The following NRXN1 variants were observed in gnomAD, a reference collection of about 807,000 sequenced individuals.
The protein encoded by NRXN1 is neurexin 1, also known as neurexin-1.
In NRXN1, 39 loss-of-function variants were observed where a neutral mutation model predicts 150.9. That is an observed-to-expected ratio of 0.26 (90% confidence interval 0.20 to 0.34). The LOEUF is 0.34. NRXN1 is among the 10% of genes least tolerant of loss of function. The probability of loss-of-function intolerance (pLI) is 1.00; values close to 1 mark genes in which losing one functional copy is unlikely to be tolerated. For missense variants in NRXN1, 1,815 were observed against 1,949.9 expected, an observed-to-expected ratio of 0.93 and a Z score of 1.30; for synonymous variants, 924 against 757.0, an observed-to-expected ratio of 1.22 and a Z score of -3.62.
chr2:50,082,733 C>T (rs139420556), intron 19 of NRXN1, among the ~76,000 whole-genome samples: 2 of 152,148 alleles, frequency 1.3e-5, no homozygotes, highest in African/African-American at 2.4e-5. Flanking sequence ...CTTTATTGAG[C>T]TCTTGTTTTC....
intron 17 of NRXN1, among the ~76,000 whole-genome samples, chr2:50,309,069 A>T (rs1312989901): frequency 6.6e-6 from 1 of 152,196 alleles, no homozygotes; most frequent in East Asian, 1.9e-4. Context: ...ACTGAATGCA[A>T]AGACAAGTAT....
intron 17 of NRXN1, among the ~76,000 whole-genome samples, chr2:50,378,075 A>AAAG (rs1204763322): frequency 6.6e-6 from 1 of 152,202 alleles, no homozygotes; most frequent in African/African-American, 2.4e-5. Context: ...AAGCAGGCAC[A>AAAG]AAGAAGAAGA....
chr2:50,483,002 G>A (rs2090586296), intron 15 of NRXN1, among the ~76,000 whole-genome samples: 1 of 132,076 alleles, frequency 7.6e-6, no homozygotes, highest in Non-Finnish European at 1.5e-5. Flanking sequence ...AGTGAGCCAA[G>A]ATCGCGCCCA....
chr2:50,725,472 G>A (rs567098399), intron 5 of NRXN1, among the ~76,000 whole-genome samples: 1 of 152,098 alleles, frequency 6.6e-6, no homozygotes, highest in Non-Finnish European at 1.5e-5. Context: ...CTGATTACAG[G>A]TATTGTAAAG....
intron 18 of NRXN1, among the ~76,000 whole-genome samples, chr2:50,212,870 G>C (rs2063133900): frequency 6.6e-6 from 1 of 151,916 alleles, no homozygotes; most frequent in African/African-American, 2.4e-5. Context: ...GTAGGTACCA[G>C]TTGCAAGTCA....
chr2:50,455,283 G>C (rs1038971093), intron 17 of NRXN1, among the ~76,000 whole-genome samples: 5 of 152,272 alleles, frequency 3.3e-5, no homozygotes, highest in Middle Eastern at 3.4e-3. Context: ...CCATAAATGA[G>C]AGATAATACT....
chr2:50,927,216 C>T (rs1027463124), intron 2 of NRXN1, among the ~76,000 whole-genome samples: 2 of 151,916 alleles, frequency 1.3e-5, no homozygotes, highest in Non-Finnish European at 2.9e-5. Flanking sequence ...ATTAGGTTCA[C>T]CTAAAACCTT....
intron 2 of NRXN1, among the ~76,000 whole-genome samples, chr2:50,939,415 A>C (rs910274199): frequency 1.3e-5 from 2 of 151,942 alleles, no homozygotes; most frequent in African/African-American, 2.4e-5. Context: ...TCTAAAAATC[A>C]ACTTTATTTT....
At chr2:50,879,671 GTTTCGCCT>G (rs1366917194) in intron 5 of NRXN1, among the ~76,000 whole-genome samples, 1 of 151,846 alleles carries the variant, frequency 6.6e-6, no homozygotes, top group Non-Finnish European at 1.5e-5. Flanking sequence ...CTCTTTCTCA[GTTTCGCCT>G]GTGGTCTAGT....
At chr2:50,366,964 C>G (rs551389264) in intron 17 of NRXN1, among the ~76,000 whole-genome samples, 1 of 151,994 alleles carries the variant, frequency 6.6e-6, no homozygotes, top group South Asian at 2.1e-4. Flanking sequence ...TAAATACACG[C>G]CTAATGGATA....
At chr2:50,467,155 G>A (rs570119532) in intron 16 of NRXN1, among the ~76,000 whole-genome samples, 2 of 151,854 alleles carry the variant, frequency 1.3e-5, no homozygotes, top group African/African-American at 4.8e-5. Context: ...GAACTTACCA[G>A]ATTGGGTATA....
At chr2:50,297,167 G>C (rs1483794867) in intron 17 of NRXN1, among the ~76,000 whole-genome samples, 1 of 152,160 alleles carries the variant, frequency 6.6e-6, no homozygotes, top group Non-Finnish European at 1.5e-5. Context: ...GGGATTACAG[G>C]CGTGAGCCAC....
At chr2:50,881,730 C>T (rs1679464087) in intron 5 of NRXN1, among the ~76,000 whole-genome samples, 1 of 151,536 alleles carries the variant, frequency 6.6e-6, no homozygotes, top group African/African-American at 2.4e-5. Flanking sequence ...TAAATGTTAA[C>T]CAAATAATAA....
intron 18 of NRXN1, among the ~76,000 whole-genome samples, chr2:50,146,594 T>C (rs1017473832): frequency 1.3e-5 from 2 of 151,728 alleles, no homozygotes; most frequent in African/African-American, 4.8e-5. Context: ...AATGATAAGA[T>C]ATTCTATCAA....
chr2:50,078,942 G>C (rs539350720), intron 19 of NRXN1, among the ~76,000 whole-genome samples: 3 of 151,882 alleles, frequency 2.0e-5, no homozygotes, highest in Non-Finnish European at 4.4e-5. Flanking sequence ...ACTTATTTTG[G>C]TATCTATTAG....
At chr2:50,593,539 A>G (rs1358739943) in intron 8 of NRXN1, among the ~76,000 whole-genome samples, 1 of 152,236 alleles carries the variant, frequency 6.6e-6, no homozygotes, top group African/African-American at 2.4e-5. Context: ...GAAAAGGAAA[A>G]CACTTTATGA....
At chr2:50,456,300 T>C (rs1204685238) in intron 17 of NRXN1, among the ~76,000 whole-genome samples, 2 of 152,144 alleles carry the variant, frequency 1.3e-5, no homozygotes, top group African/African-American at 4.8e-5. Context: ...AGATTAAGCC[T>C]CACACTCTAT....
intron 8 of NRXN1, among the ~76,000 whole-genome samples, chr2:50,555,972 A>C (rs934405727): frequency 6.6e-6 from 1 of 152,138 alleles, no homozygotes; most frequent in Non-Finnish European, 1.5e-5. Flanking sequence ...GCTTCTCCTC[A>C]ACATAGTTCT....
intron 17 of NRXN1, among the ~76,000 whole-genome samples, chr2:50,446,999 A>G (rs1414434051): frequency 6.6e-6 from 1 of 152,146 alleles, no homozygotes; most frequent in Non-Finnish European, 1.5e-5. Flanking sequence ...TTCTTGTTAA[A>G]TAAAATTATC....
Sources: allele counts gnomAD v4.1 joint callset (sites outside exome capture counted in the v4.1 genomes callset), GRCh38; gene constraint gnomAD v4.1.1; transcripts MANE v1.5; gene names NCBI Gene and HGNC (gene_info 2026-07-23, HGNC 2026-07-21).